The following NBR1 variants were observed in gnomAD, a reference collection of about 807,000 sequenced individuals.
NBR1 encodes NBR1 autophagy cargo receptor.
In NBR1, 59 loss-of-function variants were observed where a neutral mutation model predicts 115.5. That is an observed-to-expected ratio of 0.51 (90% confidence interval 0.41 to 0.63). The LOEUF is 0.63. Ranked by LOEUF, NBR1 falls within the 30% of genes least tolerant of loss-of-function variation. NBR1 has a pLI of 0.00. For synonymous variants in NBR1, 373 were observed against 414.7 expected (o/e 0.90, Z 1.22); for missense variants, 1,043 against 1,150.5 (o/e 0.91, Z 1.35).
Position 43,193,560 on chromosome 17 carries a change from C to T in NBR1, c.1446C>T (p.Pro482=), listed in dbSNP as rs751930032. 1 of 1,612,792 alleles carries T rather than the reference C, an allele frequency of 6.2e-7. No individual in the cohort carries two copies. The highest frequency in any genetic ancestry group is 8.5e-7 in the Non-Finnish European group (1 of 1,179,424). ...GCAGTATCATAGTAGATCCTTTCCCCTCCGAAGAGAGCCCTGATAACATTG... is the reference window on the plus strand; with the variant it reads ...GCAGTATCATAGTAGATCCTTTCCCTTCCGAAGAGAGCCCTGATAACATTG... ...VWCSIIVDPF[P]SEESPDNIEK... The change falls in exon 12 of 21, where the codon CCC becomes CCT. Residue 482 remains proline (P), a synonymous_variant. Transcript: ENST00000590996.
rs2056944291 is a variant in NBR1 at position 43,191,463 on chromosome 17, C to G, written c.955C>G (p.Leu319Val). 3 of 1,613,096 alleles carry G rather than the reference C, an allele frequency of 1.9e-6. No homozygotes were observed. Among genetic ancestry groups the G allele is most frequent in the Non-Finnish European group, 2.5e-6 (3 of 1,179,440 alleles). ...KKQRKAEVKELKKQLKLHRKI... is the reference protein window; with the variant it reads ...KKQRKAEVKEVKKQLKLHRKI... ...ACAACGTAAAGCAGAGGTCAAGGAA[C>G]TTAAAAAGCAGCTTAAACTCCATAG... Residue 319 changes from leucine to valine, a missense_variant, in exon 10 of 21, where the codon CTT becomes GTT. Transcript: ENST00000590996.
intron 15 of NBR1, 111 bp from the exon 16 acceptor site, chr17:43,196,831 A>G (rs1172113691): frequency 7.9e-7 from 1 of 1,268,968 alleles, no homozygotes; most frequent in Middle Eastern, 2.0e-4. Context: ...AAGTGCAGAC[A>G]AAGTTTAGAT....
At chr17:43,197,139 G>T in intron 16 of NBR1, 33 bp downstream of exon 16, 1 of 1,603,140 alleles carries the variant, frequency 6.2e-7, no homozygotes, top group Middle Eastern at 1.8e-4. Context: ...TACCTAGCAG[G>T]GTGGCACCTG....
intron 6 of NBR1, among the ~76,000 whole-genome samples, chr17:43,187,234 G>T (rs2056828047): frequency 6.6e-6 from 1 of 152,066 alleles, no homozygotes; most frequent in African/African-American, 2.4e-5. Context: ...GCTGTGGAGT[G>T]CAGTGGCGCG....
intron 16 of NBR1, among the ~76,000 whole-genome samples, chr17:43,199,876 T>TA (rs921207228): frequency 6.6e-6 from 1 of 152,010 alleles, no homozygotes; most frequent in African/African-American, 2.4e-5. Flanking sequence ...AACCATCACA[T>TA]AAAAAGGAAA....
Position 43,202,174 on chromosome 17 carries a change from C to T in NBR1, c.2563+394C>T, listed in dbSNP as rs1012166158. Among the ~76,000 whole-genome samples the T allele has an allele frequency of 2.6e-4, 20 of 76,828 alleles. No individual in the cohort carries two copies. In the South Asian group the frequency reaches 5.5e-3, roughly 21 times the overall value. 50.4% of individuals were successfully genotyped at this position (76,828 alleles called of 152,430 possible). On this transcript the variant is annotated intron_variant, in intron 18 of 20. Transcript: ENST00000590996. Reference sequence around the variant, plus strand: ...CAGCCCGGGCAACAGTGCGAGACTCCGTCTGAAAAAAAAAAAAAAAAAACT... The same window carrying T: ...CAGCCCGGGCAACAGTGCGAGACTCTGTCTGAAAAAAAAAAAAAAAAAACT...
chr17:43,188,800 CAG>C (rs2056877800), intron 6 of NBR1, among the ~76,000 whole-genome samples: 1 of 152,236 alleles, frequency 6.6e-6, no homozygotes, highest in South Asian at 2.1e-4. Flanking sequence ...GCACATTTAT[CAG>C]AGATTTGGGA....
At chr17:43,172,512 A>C (rs1179382967) in intron 1 of NBR1, among the ~76,000 whole-genome samples, 2 of 152,174 alleles carry the variant, frequency 1.3e-5, no homozygotes, top group African/African-American at 4.8e-5. Flanking sequence ...GGACTGAGTC[A>C]CTTCATTTCC....
intron 20 of NBR1, among the ~76,000 whole-genome samples, chr17:43,205,464 C>T (rs1444595393): frequency 3.9e-5 from 6 of 152,070 alleles, no homozygotes; most frequent in Admixed American, 6.5e-5. Flanking sequence ...TCCTAAAGGA[C>T]GGAGTAAATG....
At position 43,171,264 on chromosome 17, in the gene NBR1, A is replaced by G. The variant is rs1485606227; in HGVS notation, c.-48A>G. The G allele has an allele frequency of 6.5e-6, 1 of 152,718 alleles. No homozygotes were observed. The highest frequency in any genetic ancestry group is 1.9e-4 in the East Asian group (1 of 5,174). The allele number at this position is 152,718 out of a possible 1,614,324, so 9.5% of individuals were successfully genotyped here. A position where few individuals can be genotyped will look rare whatever the true frequency, so the allele number is the denominator to read the frequency against. ...AGAGCCGGTAGCGGACGGTCCTTGCATTGGCCTCCGGCAGGCGCCCCCCGG... is the reference window on the plus strand; with the variant it reads ...AGAGCCGGTAGCGGACGGTCCTTGCGTTGGCCTCCGGCAGGCGCCCCCCGG... On this transcript the variant is annotated 5_prime_UTR_variant, in exon 1 of 21. Transcript: ENST00000590996.
chr17:43,198,315 AT>A (rs1346691901), intron 16 of NBR1, among the ~76,000 whole-genome samples: 2 of 152,042 alleles, frequency 1.3e-5, no homozygotes, highest in Non-Finnish European at 2.9e-5. Flanking sequence ...TTATAATCAA[AT>A]TTGACCTATA....
At chr17:43,185,604 G>A (rs2056781632) in intron 5 of NBR1, among the ~76,000 whole-genome samples, 1 of 152,210 alleles carries the variant, frequency 6.6e-6, no homozygotes, top group Admixed American at 6.5e-5. Flanking sequence ...GGGAGGCTGA[G>A]GTGGGAAGAT....
At chr17:43,189,493 C>G (rs1300830251) in intron 7 of NBR1, 95 bp from the exon 8 acceptor site, 1 of 830,158 alleles carries the variant, frequency 1.2e-6, no homozygotes, top group African/African-American at 1.7e-5. Context: ...TTGTATTATA[C>G]CAGAGACAGT....
chr17:43,177,367 T>C (rs377567669), intron 2 of NBR1, among the ~76,000 whole-genome samples: 5 of 151,338 alleles, frequency 3.3e-5, no homozygotes, highest in African/African-American at 1.2e-4. Context: ...TACACTGTTC[T>C]ACAGGATAAA....
chr17:43,180,008 G>T (rs1191705876), intron 4 of NBR1, among the ~76,000 whole-genome samples: 1 of 152,268 alleles, frequency 6.6e-6, no homozygotes, highest in South Asian at 2.1e-4. Flanking sequence ...AGTAGATGCT[G>T]TTTGCAACAA....
chr17:43,191,254 TA>T, intron 9 of NBR1, 117 bp from the exon 10 acceptor site: 2 of 750,130 alleles, frequency 2.7e-6, no homozygotes, highest in Non-Finnish European at 4.4e-6. Context: ...ACCCTAATTC[TA>T]AAACAAAAAA....
chr17:43,194,234 C>A, intron 12 of NBR1, 116 bp from the exon 13 acceptor site: 1 of 962,308 alleles, frequency 1.0e-6, no homozygotes, highest in Non-Finnish European at 1.5e-6. Context: ...ATATCAAAAA[C>A]ATTGTTTTTT....
chr17:43,204,988 C>G (rs2057286676), intron 20 of NBR1, among the ~76,000 whole-genome samples: 1 of 151,664 alleles, frequency 6.6e-6, no homozygotes, highest in Non-Finnish European at 1.5e-5. Flanking sequence ...AAAACAACAA[C>G]AAAAAAGACA....
rs1320076401 is a variant in NBR1 at position 43,184,053 on chromosome 17, G to A, written c.208-2197G>A. 2.7e-5 allele frequency among the ~76,000 whole-genome samples: 4 copies of A among 150,424 alleles called. No homozygotes were observed. In the South Asian group the frequency reaches 6.4e-4, roughly 24 times the overall value. On this transcript the variant is annotated intron_variant, in intron 5 of 20. Transcript: ENST00000590996. ...TCACTTCGATATATTTTTTTGAGAC[G>A]GGATCTCACTGTCACCCAGGCTGGA...
Sources: gnomAD v4.1 joint callset for allele counts (sites outside exome capture counted in the v4.1 genomes callset) on GRCh38, gnomAD v4.1.1 for gene constraint, MANE v1.5 for transcripts, NCBI Gene and HGNC (gene_info 2026-07-23, HGNC 2026-07-21) for gene names.